The following DPP6 variants were observed in gnomAD, a reference collection of about 807,000 sequenced individuals.
DPP6 encodes the protein A-type potassium channel modulatory protein DPP6.
Under a neutral mutation model 122.6 loss-of-function variants are expected in DPP6, and 69 were observed. The ratio of observed to expected loss-of-function variants is 0.56; its 90% CI spans 0.46 to 0.69. The LOEUF (loss-of-function observed/expected upper bound fraction) is 0.69, where lower values mean the gene tolerates loss of function less well. Ranked by LOEUF, DPP6 falls within the 30% of genes least tolerant of loss-of-function variation. The pLI, the probability that DPP6 is intolerant of heterozygous loss-of-function variation, is 0.00. For missense variants in DPP6, 928 were observed against 1,116.9 expected, an observed-to-expected ratio of 0.83 and a Z score of 2.41; for synonymous variants, 418 against 433.1, an observed-to-expected ratio of 0.97 and a Z score of 0.43.
At chr7:154,652,045 G>A (rs2171611) in intron 6 of DPP6, among the ~76,000 whole-genome samples, 100,978 of 152,058 alleles carry the variant, frequency 0.66, 34,366 homozygotes, top group South Asian at 0.82. Flanking sequence ...TCTGTAGTGC[G>A]TGGAAGAGGA....
chr7:154,049,595 T>TTTAC (rs1471014158), upstream of DPP6, among the ~76,000 whole-genome samples: 1 of 142,778 alleles, frequency 7.0e-6, no homozygotes, highest in East Asian at 2.0e-4. Context: ...TATTTATTTA[T>TTTAC]TTATTTATTT....
At chr7:153,800,168 C>T in the DPP6 span, among the ~76,000 whole-genome samples, 1 of 152,130 alleles carries the variant, frequency 6.6e-6, no homozygotes, top group African/African-American at 2.4e-5. Flanking sequence ...ATGGCATCAA[C>T]CTAAGTGTCC....
chr7:153,759,378 G>A, the DPP6 span, among the ~76,000 whole-genome samples: 2 of 151,796 alleles, frequency 1.3e-5, no homozygotes, highest in African/African-American at 4.8e-5. Flanking sequence ...GAGTGCAGTG[G>A]CCCAATCTCG....
intron 8 of DPP6, among the ~76,000 whole-genome samples, chr7:154,753,680 G>A (rs572524794): frequency 2.6e-5 from 4 of 152,258 alleles, no homozygotes; most frequent in South Asian, 2.1e-4. Context: ...GGCTAGTTCC[G>A]TAACCCGGGA....
At chr7:154,121,494 G>A (rs1201185810) in intron 1 of DPP6, among the ~76,000 whole-genome samples, 1 of 152,186 alleles carries the variant, frequency 6.6e-6, no homozygotes, top group African/African-American at 2.4e-5. Flanking sequence ...TCAGCTCAAA[G>A]TATTTTTGTG....
intron 1 of DPP6, among the ~76,000 whole-genome samples, chr7:154,248,070 C>T (rs1238810079): frequency 6.6e-6 from 1 of 152,112 alleles, no homozygotes; most frequent in Non-Finnish European, 1.5e-5. Flanking sequence ...TTGTAGGCTG[C>T]CTTCTCACGG....
At chr7:154,366,089 G>T (rs760372942) in intron 1 of DPP6, among the ~76,000 whole-genome samples, 11 of 151,778 alleles carry the variant, frequency 7.2e-5, no homozygotes, top group Non-Finnish European at 1.5e-4. Flanking sequence ...GTGCTATCTT[G>T]TCACAGCTTA....
At chr7:154,126,974 C>T (rs1807938586) in intron 1 of DPP6, among the ~76,000 whole-genome samples, 1 of 152,172 alleles carries the variant, frequency 6.6e-6, no homozygotes. Context: ...TTGCTCTTCC[C>T]ACCCCTTCCA....
In DPP6 at chr7:154,487,219, TAAGTA is replaced by T. The variant is rs1033436557; in HGVS notation, c.457+12186_457+12190del. On this transcript the variant is annotated intron_variant, in intron 3 of 25. Coordinates refer to ENST00000377770, the MANE Select transcript of DPP6 (RefSeq NM_130797.4). ...TGTATACGTACATATTTTTTTCTCT[TAAGTA>T]AAGGGATCTCATGTGAGATGTTCAT... Among the ~76,000 whole-genome samples, 12 of 152,298 alleles carry T rather than the reference TAAGTA, an allele frequency of 7.9e-5. 1 individual carries two copies. The highest frequency in any genetic ancestry group is 9.6e-5 in the African/African-American group (4 of 41,560).
At chr7:154,786,543 G>T (rs1797349720) in intron 10 of DPP6, among the ~76,000 whole-genome samples, 1 of 152,082 alleles carries the variant, frequency 6.6e-6, no homozygotes, top group South Asian at 2.1e-4. Context: ...CCTTTGCTGG[G>T]CACTTCTCCT....
chr7:154,016,525 G>A (rs1188817035), intron 1 of DPP6, among the ~76,000 whole-genome samples: 1 of 152,034 alleles, frequency 6.6e-6, no homozygotes, highest in Non-Finnish European at 1.5e-5. Flanking sequence ...CACTTTGTGA[G>A]GCTGAGGTGG....
At chr7:154,155,791 T>C (rs1350153267) in intron 1 of DPP6, among the ~76,000 whole-genome samples, 2 of 152,158 alleles carry the variant, frequency 1.3e-5, no homozygotes, top group East Asian at 3.8e-4. Context: ...GTTGCTGGGT[T>C]GTGTATAATC....
intron 1 of DPP6, among the ~76,000 whole-genome samples, chr7:154,245,023 T>C (rs1801881618): frequency 1.3e-5 from 2 of 150,780 alleles, no homozygotes; most frequent in South Asian, 4.2e-4. Context: ...CAATCTTGGC[T>C]CACCACAACC....
At chr7:154,338,535 A>G (rs970728751) in intron 1 of DPP6, among the ~76,000 whole-genome samples, 1 of 152,206 alleles carries the variant, frequency 6.6e-6, no homozygotes, top group African/African-American at 2.4e-5. Flanking sequence ...AGAAGAACCA[A>G]TTAACTATGA....
At chr7:154,805,295 G>A (rs913457616) in intron 15 of DPP6, among the ~76,000 whole-genome samples, 2 of 151,978 alleles carry the variant, frequency 1.3e-5, no homozygotes, top group Non-Finnish European at 2.9e-5. Flanking sequence ...TGCCCCCCCT[G>A]CCCCACCACA....
intron 1 of DPP6, among the ~76,000 whole-genome samples, chr7:154,063,750 G>A (rs113380758): frequency 0.13 from 18,969 of 149,514 alleles, 1,441 homozygotes; most frequent in Admixed American, 0.22. Flanking sequence ...TAGGACCCCC[G>A]TCGTGGATCC....
chr7:153,862,485 C>T, the DPP6 span, among the ~76,000 whole-genome samples: 382 of 152,304 alleles, frequency 2.5e-3, 1 homozygote, highest in African/African-American at 8.7e-3. Context: ...TCACCCAGAG[C>T]GGGCTGATGT....
At chr7:154,515,744 G>A (rs144652712) in intron 3 of DPP6, among the ~76,000 whole-genome samples, 1,947 of 152,304 alleles carry the variant, frequency 0.013, 25 homozygotes, top group South Asian at 0.017. Flanking sequence ...AAAGTGCTGG[G>A]ATTACAGACG....
chr7:154,460,342 A>C (rs1468259781), intron 2 of DPP6, among the ~76,000 whole-genome samples: 1 of 152,152 alleles, frequency 6.6e-6, no homozygotes, highest in Non-Finnish European at 1.5e-5. Context: ...ACCGACTACG[A>C]AGGTCAAAAT....
Sources: gnomAD v4.1 joint callset for allele counts (sites outside exome capture counted in the v4.1 genomes callset) on GRCh38, gnomAD v4.1.1 for gene constraint, MANE v1.5 for transcripts, NCBI Gene and HGNC (gene_info 2026-07-23, HGNC 2026-07-21) for gene names.